PDE3A: variants seen among roughly 807,000 people sequenced by gnomAD.
The protein encoded by PDE3A is phosphodiesterase 3A, also known as cGMP-inhibited 3',5'-cyclic phosphodiesterase 3A.
Under a neutral mutation model 98.3 loss-of-function variants are expected in PDE3A, and 43 were observed. The observed-to-expected ratio is 0.44, with a 90% CI of 0.34 to 0.56. PDE3A has a LOEUF of 0.56. Ranked by LOEUF, PDE3A falls within the 20% of genes least tolerant of loss-of-function variation. The probability of loss-of-function intolerance (pLI) is 0.01; values close to 1 mark genes in which losing one functional copy is unlikely to be tolerated. For missense variants in PDE3A, 1,427 were observed against 1,440.7 expected, an observed-to-expected ratio of 0.99 and a Z score of 0.15; for synonymous variants, 663 against 567.9, an observed-to-expected ratio of 1.17 and a Z score of -2.38.
At chr12:20,470,739 AC>A (rs1355197537) in intron 1 of PDE3A, among the ~76,000 whole-genome samples, 1 of 150,466 alleles carries the variant, frequency 6.6e-6, no homozygotes, top group East Asian at 1.9e-4. Flanking sequence ...TAAAACTTTC[AC>A]AGTGCAATGC....
At position 20,557,033 on chromosome 12, in the gene PDE3A, CG is replaced by C. The variant is rs1942386934; in HGVS notation, c.1011+324del. ...TATTCATTTCCTTTGACAATTTTTCCGTGTATTTTCTTTTTTCTTCAGCTTC... is the reference window on the plus strand; with the variant it reads ...TATTCATTTCCTTTGACAATTTTTCCTGTATTTTCTTTTTTCTTCAGCTTC... On this transcript the variant is annotated intron_variant, in intron 2 of 15. Transcript: ENST00000359062. 3.5e-5 allele frequency: 9 copies of C among 257,078 alleles called. No homozygotes were observed. The East Asian group carries it at 9.0e-4, about 26-fold the overall frequency. The allele number at this position is 257,078 out of a possible 1,614,324, so 15.9% of individuals were successfully genotyped here. A position where few individuals can be genotyped will look rare whatever the true frequency, so the allele number is the denominator to read the frequency against.
chr12:20,412,147 G>A (rs1327386130), intron 1 of PDE3A, among the ~76,000 whole-genome samples: 6 of 152,052 alleles, frequency 3.9e-5, no homozygotes, highest in Admixed American at 3.9e-4. Flanking sequence ...GTGTTGTACT[G>A]GTTAGAAGCC....
chr12:20,554,799 C>G (rs1172316357), intron 1 of PDE3A, among the ~76,000 whole-genome samples: 2 of 151,986 alleles, frequency 1.3e-5, no homozygotes, highest in Non-Finnish European at 2.9e-5. Context: ...GTTGGCCAGG[C>G]TGGTCATGAA....
Position 20,576,779 on chromosome 12 carries a change from C to G in PDE3A, c.1011+20069C>G, listed in dbSNP as rs140259412. ...TATTGATAATGAGAATGTTATTTAT[C>G]TTCCCTTAGCCATGTGCTATTATGG... On this transcript the variant is annotated intron_variant, in intron 2 of 15. Transcript: ENST00000359062. Among the ~76,000 whole-genome samples the G allele has an allele frequency of 4.5e-3, 688 of 152,236 alleles. 2 individuals are homozygous for G. The highest frequency in any genetic ancestry group is 8.0e-3 in the Non-Finnish European group (545 of 67,988).
chr12:20,616,484 G>A, intron 4 of PDE3A, 100 bp downstream of exon 4: 1 of 1,138,312 alleles, frequency 8.8e-7, no homozygotes, highest in Non-Finnish European at 1.3e-6. Flanking sequence ...AATTACATTT[G>A]GTTGGAGGTC....
intron 2 of PDE3A, among the ~76,000 whole-genome samples, chr12:20,612,844 T>A (rs1177246975): frequency 1.3e-5 from 2 of 151,748 alleles, no homozygotes; most frequent in Non-Finnish European, 2.9e-5. Flanking sequence ...TTTGGCAGAA[T>A]ATGACAGATG....
intron 2 of PDE3A, among the ~76,000 whole-genome samples, chr12:20,605,813 C>T (rs906978728): frequency 2.0e-5 from 3 of 152,138 alleles, no homozygotes; most frequent in African/African-American, 7.2e-5. Context: ...TGTAGACTTA[C>T]GAAGAGAGGC....
chr12:20,509,150 T>G (rs2121109283), intron 1 of PDE3A, among the ~76,000 whole-genome samples: 1 of 152,200 alleles, frequency 6.6e-6, no homozygotes, highest in African/African-American at 2.4e-5. Context: ...GCCAAATATC[T>G]AATCTGCCAC....
intron 1 of PDE3A, among the ~76,000 whole-genome samples, chr12:20,434,539 C>T (rs1410872870): frequency 1.3e-5 from 2 of 152,118 alleles, no homozygotes; most frequent in Non-Finnish European, 2.9e-5. Flanking sequence ...TACCTGTTAA[C>T]AAAAGCAGCC....
At chr12:20,596,968 C>T (rs1261802429) in intron 2 of PDE3A, among the ~76,000 whole-genome samples, 1 of 152,110 alleles carries the variant, frequency 6.6e-6, no homozygotes, top group Non-Finnish European at 1.5e-5. Context: ...CAGTATTTAG[C>T]ATTGTGAATA....
At chr12:20,405,747 A>G (rs1022494724) in intron 1 of PDE3A, among the ~76,000 whole-genome samples, 16 of 152,214 alleles carry the variant, frequency 1.1e-4, no homozygotes, top group Non-Finnish European at 2.2e-4. Context: ...GGTGGCGACC[A>G]TACTTAAAGT....
intron 1 of PDE3A, among the ~76,000 whole-genome samples, chr12:20,446,781 G>A (rs1210033622): frequency 2.6e-5 from 4 of 152,136 alleles, no homozygotes; most frequent in African/African-American, 9.7e-5. Flanking sequence ...GGTAGTTATG[G>A]GAGATGTATG....
At chr12:20,631,612 C>T (rs141465110) in intron 6 of PDE3A, among the ~76,000 whole-genome samples, 82 of 151,750 alleles carry the variant, frequency 5.4e-4, no homozygotes, top group African/African-American at 1.9e-3. Flanking sequence ...CTGTGGGTTC[C>T]GGACTTTTGG....
At chr12:20,480,357 C>CT (rs1454538334) in intron 1 of PDE3A, among the ~76,000 whole-genome samples, 2 of 152,114 alleles carry the variant, frequency 1.3e-5, no homozygotes, top group African/African-American at 4.8e-5. Flanking sequence ...GCATTCAGGG[C>CT]TTTTAAACTT....
chr12:20,546,069 A>G (rs1676719294), intron 1 of PDE3A, among the ~76,000 whole-genome samples: 1 of 151,940 alleles, frequency 6.6e-6, no homozygotes, highest in Non-Finnish European at 1.5e-5. Flanking sequence ...CACGAGGCTG[A>G]TGTGGTCTTC....
chr12:20,616,367 G>A lies in PDE3A; in HGVS notation c.1407G>A (p.Gln469=), dbSNP rs755065958. ...RRDRSTSIKL[Q]EAPSSSPDSW... is the part of the protein sequence containing the mutation. ...ACCGCAGCACCAGCATCAAACTGCA[G>A]GAAGCACCTTCATCCAGGTGGCATA... Residue 469 remains glutamine, a synonymous_variant, in exon 4 of 16, where the codon CAG becomes CAA. Coordinates refer to ENST00000359062, the MANE Select transcript of PDE3A (RefSeq NM_000921.5). The A allele has an allele frequency of 2.5e-6, 4 of 1,612,772 alleles. No homozygotes were observed. The highest frequency in any genetic ancestry group is 2.5e-6 in the Non-Finnish European group (3 of 1,179,262).
At chr12:20,638,095 C>A (rs1285147589) in intron 9 of PDE3A, among the ~76,000 whole-genome samples, 1 of 152,120 alleles carries the variant, frequency 6.6e-6, no homozygotes, top group Non-Finnish European at 1.5e-5. Flanking sequence ...CAACCCAGAT[C>A]TACTGGGGCC....
rs1565527069 is a variant in PDE3A, at chr12:20,369,890, ATGGCTGG to A, written c.609_615del (p.Trp203CysfsTer2). The A allele has an allele frequency of 1.2e-6, 2 of 1,613,216 alleles. No individual in the cohort carries two copies. Among genetic ancestry groups the A allele is most frequent in the Non-Finnish European group, 1.7e-6 (2 of 1,179,800 alleles). ...TGCTCAGCTGCTTGGCCGCCGCGACATGGCTGGTGCTGAGGCTGAGGCTGGGCGTCCT... is the reference window on the plus strand; with the variant it reads ...TGCTCAGCTGCTTGGCCGCCGCGACATGCTGAGGCTGAGGCTGGGCGTCCT... On this transcript the variant is annotated frameshift_variant, in exon 1 of 16. Transcript: ENST00000359062. LOFTEE classifies it high-confidence loss of function.
At chr12:20,486,103 C>T (rs573523315) in intron 1 of PDE3A, among the ~76,000 whole-genome samples, 56 of 152,282 alleles carry the variant, frequency 3.7e-4, no homozygotes, top group African/African-American at 1.3e-3. Flanking sequence ...ATTGCCTTGA[C>T]ATTTATATTG....
Sources: allele counts gnomAD v4.1 joint callset (sites outside exome capture counted in the v4.1 genomes callset), GRCh38; gene constraint gnomAD v4.1.1; transcripts MANE v1.5; gene names NCBI Gene and HGNC (gene_info 2026-07-23, HGNC 2026-07-21).